PKD2L1: variants seen among roughly 807,000 people sequenced by gnomAD.
The protein encoded by PKD2L1 is polycystin 2 like 1, transient receptor potential cation channel.
Under a neutral mutation model 93.0 loss-of-function variants are expected in PKD2L1, and 77 were observed. The ratio of observed to expected loss-of-function variants is 0.83; its 90% CI spans 0.69 to 1.00. The LOEUF is 1.00. Ranked by LOEUF, PKD2L1 falls within the 50% of genes least tolerant of loss-of-function variation. The pLI is 0.00. For missense variants in PKD2L1, 977 were observed against 990.9 expected, an observed-to-expected ratio of 0.99 and a Z score of 0.19; for synonymous variants, 390 against 388.0, an observed-to-expected ratio of 1.01 and a Z score of -0.06.
At chr10:100,317,630 C>T (rs770826209) in intron 2 of PKD2L1, among the ~76,000 whole-genome samples, 4 of 152,184 alleles carry the variant, frequency 2.6e-5, no homozygotes, top group Admixed American at 1.3e-4. Flanking sequence ...GCTGTATTCT[C>T]GTATCTGCTT....
chr10:100,327,690 G>T (rs190522847), intron 2 of PKD2L1, among the ~76,000 whole-genome samples: 28 of 152,296 alleles, frequency 1.8e-4, no homozygotes, highest in African/African-American at 5.8e-4. Context: ...AAAAATAATC[G>T]ATACGTCAAC....
chr10:100,288,520 T>C (rs912347567), intron 15 of PKD2L1, 42 bp from the exon 16 acceptor site: 28 of 1,159,394 alleles, frequency 2.4e-5, no homozygotes, highest in Non-Finnish European at 3.7e-5. Context: ...TAGCAACAAA[T>C]CTTGGGATGC....
At chr10:100,326,406 C>T (rs1849380870) in intron 2 of PKD2L1, among the ~76,000 whole-genome samples, 1 of 152,212 alleles carries the variant, frequency 6.6e-6, no homozygotes, top group Non-Finnish European at 1.5e-5. Context: ...ACATGCTCTC[C>T]CCTCTTCCCA....
In PKD2L1 at chr10:100,297,401, T is replaced by C; in HGVS notation, c.937A>G (p.Asn313Asp). 6.2e-7 allele frequency: 1 copy of C among 1,613,658 alleles called. No homozygotes were observed. The highest frequency in any genetic ancestry group is 8.5e-7 in the Non-Finnish European group (1 of 1,179,702). ...GCTCACCTCAGGACACAGAAAAGAT[T>C]GATATTGGCATTGTAGACTGAGAAG... ...IDFSVYNANINLFCVLRLVVE... is the reference protein window; with the variant it reads ...IDFSVYNANIDLFCVLRLVVE... Residue 313 changes from asparagine to aspartate, a missense_variant, in exon 5 of 16, where the codon AAT becomes GAT. Coordinates refer to ENST00000318222, the MANE Select transcript of PKD2L1 (RefSeq NM_016112.3).
intron 2 of PKD2L1, among the ~76,000 whole-genome samples, chr10:100,311,977 C>T (rs1848944885): frequency 1.3e-5 from 2 of 152,192 alleles, no homozygotes; most frequent in Admixed American, 1.3e-4. Context: ...CCCATTCCCT[C>T]CCCTGACAGT....
In PKD2L1 at chr10:100,296,152, AT is replaced by A. The variant is rs1489987834; in HGVS notation, c.1325del (p.Asn442MetfsTer22). The A allele has an allele frequency of 6.2e-7, 1 of 1,611,254 alleles. No homozygotes were observed. The highest frequency in any genetic ancestry group is 8.5e-7 in the Non-Finnish European group (1 of 1,178,808). On this transcript the variant is annotated frameshift_variant, in exon 7 of 16. Transcript: ENST00000318222. LOFTEE classifies it high-confidence loss of function. Reference protein sequence around the residue: ...AFWQTQYNNMNAVNLFFAWIK... With the variant: ...AFWQTQYNNMXAVNLFFAWIK... ...TCCAGGCGAAGAAGAGGTTGACAGC[AT>A]TCATGTTGTTGTACTGTGTCTGCCA...
intron 2 of PKD2L1, among the ~76,000 whole-genome samples, chr10:100,328,870 G>A (rs549727716): frequency 5.3e-5 from 8 of 152,160 alleles, no homozygotes; most frequent in Admixed American, 3.3e-4. Flanking sequence ...GATTACAGGC[G>A]TGAGCCACCG....
At chr10:100,311,762 G>A (rs1464229410) in intron 2 of PKD2L1, among the ~76,000 whole-genome samples, 1 of 152,174 alleles carries the variant, frequency 6.6e-6, no homozygotes, top group African/African-American at 2.4e-5. Flanking sequence ...TCAACTTGTT[G>A]ACAAAGAATA....
chr10:100,320,439 C>T (rs1849201394), intron 2 of PKD2L1, among the ~76,000 whole-genome samples: 1 of 152,134 alleles, frequency 6.6e-6, no homozygotes, highest in African/African-American at 2.4e-5. Flanking sequence ...TCTACTAGGG[C>T]TTGTCCCCTG....
At chr10:100,306,855 C>CAAAAAA (rs61413476) in intron 2 of PKD2L1, among the ~76,000 whole-genome samples, 793 of 49,810 alleles carry the variant, frequency 0.016, 53 homozygotes, top group African/African-American at 0.025. Flanking sequence ...GAGACCCTGT[C>CAAAAAA]AAAAAAAAAA....
rs74154621 is a variant in PKD2L1, at chr10:100,288,943, T to G, written c.2335+29A>C. The G allele has an allele frequency of 3.4e-6, 5 of 1,462,184 alleles. No homozygotes were observed. In the South Asian group the frequency reaches 5.9e-5, roughly 17 times the overall value. 90.6% of individuals were successfully genotyped at this position (1,462,184 alleles called of 1,614,324 possible). On this transcript the variant is annotated intron_variant, in intron 15 of 15. Coordinates refer to ENST00000318222, the MANE Select transcript of PKD2L1 (RefSeq NM_016112.3). The stretch of plus-strand genomic sequence containing the variant: ...CGGAGGCAGAGGGAGGGAAGCCTGC[T>G]GTCTGATGCTTTAGGCCCCCTTCCT...
intron 2 of PKD2L1, among the ~76,000 whole-genome samples, chr10:100,315,811 C>G (rs2133564229): frequency 6.6e-6 from 1 of 152,254 alleles, no homozygotes; most frequent in South Asian, 2.1e-4. Flanking sequence ...GCTGGCGCTA[C>G]CTCCTCCATC....
chr10:100,293,492 AC>A (rs1848453021), intron 9 of PKD2L1, 113 bp from the exon 10 acceptor site: 3 of 699,240 alleles, frequency 4.3e-6, no homozygotes, highest in Non-Finnish European at 7.8e-6. Flanking sequence ...AGTGCTCTCA[AC>A]CCCAGTTCGG....
At position 100,288,451 on chromosome 10, in the gene PKD2L1, G is replaced by T. The variant is rs12782963; in HGVS notation, c.2363C>A (p.Ala788Asp). The change falls in exon 16 of 16, where the codon GCC becomes GAC. Residue 788 changes from alanine (A) to aspartate (D), a missense_variant. Physicochemically the swap from Ala to Asp is moderately radical, Grantham distance 126. Transcript: ENST00000318222. ...ACGGGAGAGTCTCCTCTCCTCTAAG[G>T]CTTCCTCTTCTCTTTTATAGGGAAC... The part of the protein sequence containing the change: ...SEVPYKREEE[A>D]LEERRLSRGE... 82,244 of 1,609,924 alleles carry T rather than the reference G, an allele frequency of 0.051. 2,372 individuals are homozygous for T. Among genetic ancestry groups the T allele is most frequent in the African/African-American group, 0.095 (7,142 of 74,838 alleles).
intron 3 of PKD2L1, among the ~76,000 whole-genome samples, chr10:100,299,338 G>A (rs746319534): frequency 5.3e-5 from 8 of 152,098 alleles, no homozygotes; most frequent in Non-Finnish European, 8.8e-5. Context: ...TTTAAAATTC[G>A]TTTTGAAGTT....
intron 11 of PKD2L1, 152 bp downstream of exon 11, chr10:100,292,796 A>G: frequency 1.4e-6 from 1 of 708,452 alleles, no homozygotes; most frequent in East Asian, 2.6e-5. Context: ...GAAGGTCAGG[A>G]GCGGAGACCT....
chr10:100,312,076 G>T (rs1249681738), intron 2 of PKD2L1, among the ~76,000 whole-genome samples: 1 of 152,134 alleles, frequency 6.6e-6, no homozygotes, highest in Non-Finnish European at 1.5e-5. Context: ...TTCCAAGTTG[G>T]ATTCCAAATA....
intron 3 of PKD2L1, among the ~76,000 whole-genome samples, chr10:100,299,368 C>T (rs577003242): frequency 4.6e-5 from 7 of 152,296 alleles, no homozygotes; most frequent in Admixed American, 6.5e-5. Flanking sequence ...CTCTGACTCC[C>T]GATACTAATC....
Position 100,296,258 on chromosome 10 carries a change from C to T in PKD2L1, c.1220G>A (p.Arg407Gln), listed in dbSNP as rs757206531. The change falls in exon 7 of 16, where the codon CGA becomes CAA. Residue 407 changes from arginine (R) to glutamine (Q), a missense_variant. Coordinates refer to ENST00000318222, the MANE Select transcript of PKD2L1 (RefSeq NM_016112.3). ...SIVAVGFHIFRTLEVNRLMGK... is the reference protein window; with the variant it reads ...SIVAVGFHIFQTLEVNRLMGK... Reference sequence around the variant, plus strand: ...CATGAGCCGATTCACCTCGAGGGTTCGGAATATGTGGAAGCCCACAGCCAC... The same window carrying T: ...CATGAGCCGATTCACCTCGAGGGTTTGGAATATGTGGAAGCCCACAGCCAC... 14 of 1,605,240 alleles carry T rather than the reference C, an allele frequency of 8.7e-6. No individual in the cohort carries two copies. The highest frequency in any genetic ancestry group is 4.0e-5 in the African/African-American group (3 of 74,216).
Sources: gnomAD v4.1 joint callset for allele counts (sites outside exome capture counted in the v4.1 genomes callset) on GRCh38, gnomAD v4.1.1 for gene constraint, MANE v1.5 for transcripts, NCBI Gene and HGNC (gene_info 2026-07-23, HGNC 2026-07-21) for gene names.